The following AATF variants were observed in gnomAD, a reference collection of about 807,000 sequenced individuals.
AATF encodes the protein protein AATF.
In AATF, 48 loss-of-function variants were observed where a neutral mutation model predicts 63.7. The ratio of observed to expected loss-of-function variants is 0.75; its 90% confidence interval spans 0.60 to 0.96. AATF has a LOEUF of 0.96. Ranked by LOEUF, AATF falls within the 40% of genes least tolerant of loss-of-function variation. The pLI is 0.00. For synonymous variants in AATF, 258 were observed against 247.7 expected (o/e 1.04, Z -0.39); for missense variants, 639 against 685.7 (o/e 0.93, Z 0.76).
Position 37,009,439 on chromosome 17 carries a change from C to T in AATF, c.1399-9566C>T, listed in dbSNP as rs569656968. 6.6e-5 allele frequency among the ~76,000 whole-genome samples: 10 copies of T among 151,986 alleles called. No homozygotes were observed. In the South Asian group the frequency reaches 2.1e-3, roughly 32 times the overall value. The stretch of plus-strand genomic sequence containing the variant: ...GGATTACAGGTGTGAACCACCGTGC[C>T]TGGCCCCAGTTAAATGGTTTTTTTT... On this transcript the variant is annotated intron_variant, in intron 8 of 11. Coordinates refer to ENST00000619387, the MANE Select transcript of AATF (RefSeq NM_012138.4).
At chr17:37,029,952 T>C (rs772294941) in intron 10 of AATF, among the ~76,000 whole-genome samples, 11 of 152,184 alleles carry the variant, frequency 7.2e-5, no homozygotes, top group Non-Finnish European at 1.5e-4. Flanking sequence ...ATCTTCTGCC[T>C]GGCCTCTCAA....
intron 10 of AATF, among the ~76,000 whole-genome samples, chr17:37,027,806 G>A (rs28603278): frequency 4.6e-5 from 7 of 152,080 alleles, no homozygotes; most frequent in Admixed American, 3.9e-4. Flanking sequence ...CAGTAACCAC[G>A]TGTGGCTAGT....
chr17:37,037,390 A>G (rs1009785515), intron 11 of AATF, among the ~76,000 whole-genome samples: 3 of 152,330 alleles, frequency 2.0e-5, no homozygotes, highest in African/African-American at 7.2e-5. Flanking sequence ...AAGGAGAAGA[A>G]AAGGCTTGAC....
intron 11 of AATF, among the ~76,000 whole-genome samples, chr17:37,034,161 C>G (rs193162759): frequency 1.3e-5 from 2 of 152,118 alleles, no homozygotes. Context: ...TACCAAAGTG[C>G]GCACCATTCT....
chr17:36,955,128 C>G (rs1422327161), intron 4 of AATF, among the ~76,000 whole-genome samples: 2 of 152,254 alleles, frequency 1.3e-5, no homozygotes, highest in East Asian at 3.9e-4. Flanking sequence ...TTCATTTGCT[C>G]TTTAAAACTT....
intron 4 of AATF, among the ~76,000 whole-genome samples, chr17:36,966,922 T>C (rs1028605767): frequency 6.6e-6 from 1 of 152,200 alleles, no homozygotes; most frequent in African/African-American, 2.4e-5. Flanking sequence ...TTGTATCCAA[T>C]ACCTATATAC....
rs1051560287 is a variant in AATF, at chr17:36,948,955, C to A, written c.-171C>A. 6 of 570,202 alleles carry A rather than the reference C, an allele frequency of 1.1e-5. No homozygotes were observed. The African/African-American group carries it at 1.2e-4, about 11-fold the overall frequency. 35.3% of individuals were successfully genotyped at this position (570,202 alleles called of 1,614,324 possible). A position where few individuals can be genotyped will look rare whatever the true frequency, so the allele number is the denominator to read the frequency against. On this transcript the variant is annotated 5_prime_UTR_variant, in exon 1 of 12. Transcript: ENST00000619387. ...CGCGCAGGCCCCGCCCCCTCCCGCG[C>A]GCCTCCCGGAAGTGGCCGGTCCAGA...
chr17:36,973,288 A>G (rs9944453), intron 4 of AATF, among the ~76,000 whole-genome samples: 41,324 of 152,010 alleles, frequency 0.27, 8,060 homozygotes, highest in African/African-American at 0.56. Flanking sequence ...TAAAGGATTT[A>G]TCCTTTTTTT....
chr17:36,969,901 T>C (rs373420666), intron 4 of AATF, among the ~76,000 whole-genome samples: 6 of 152,234 alleles, frequency 3.9e-5, no homozygotes, highest in African/African-American at 1.4e-4. Context: ...AGTGGAATTA[T>C]ACAGTTTGTA....
intron 11 of AATF, among the ~76,000 whole-genome samples, chr17:37,043,631 T>C (rs937276485): frequency 3.3e-5 from 5 of 152,238 alleles, no homozygotes; most frequent in South Asian, 2.1e-4. Context: ...TTTATGTTCA[T>C]ATATTTGGAA....
chr17:37,053,734 T>C (rs1478092682), intron 11 of AATF, among the ~76,000 whole-genome samples: 4 of 152,020 alleles, frequency 2.6e-5, no homozygotes, highest in Non-Finnish European at 5.9e-5. Flanking sequence ...GGCGTGGTGG[T>C]GCGCACCTGC....
chr17:36,952,251 G>A (rs1406744093), intron 2 of AATF, among the ~76,000 whole-genome samples: 1 of 152,176 alleles, frequency 6.6e-6, no homozygotes, highest in Non-Finnish European at 1.5e-5. Context: ...AGGAGAGTTA[G>A]GTGGTTCCAT....
At chr17:36,969,759 A>G (rs936196554) in intron 4 of AATF, among the ~76,000 whole-genome samples, 6 of 152,232 alleles carry the variant, frequency 3.9e-5, no homozygotes, top group African/African-American at 1.4e-4. Flanking sequence ...GATAATGAAC[A>G]TATTCCTCAT....
intron 4 of AATF, among the ~76,000 whole-genome samples, 183 bp downstream of exon 4, chr17:36,954,090 C>T (rs1377913541): frequency 1.6e-5 from 2 of 128,576 alleles, no homozygotes; most frequent in East Asian, 2.5e-4. Context: ...TTTTTTGAGA[C>T]AGAGTCTCGC....
At position 36,968,251 on chromosome 17, in the gene AATF, T is replaced by TCC. The variant is rs1567967980; in HGVS notation, c.832+14344_832+14345insCC. Among the ~76,000 whole-genome samples the TCC allele has an allele frequency of 2.5e-3, 340 of 135,466 alleles. 63 individuals are homozygous for TCC. The highest frequency in any genetic ancestry group is 9.6e-3 in the African/African-American group (310 of 32,444). 88.9% of individuals were successfully genotyped at this position (135,466 alleles called of 152,430 possible). A position where few individuals can be genotyped will look rare whatever the true frequency, so the allele number is the denominator to read the frequency against. ...TTCTTCTATTTTTTTCTTTTTTCTT[T>TCC]TTCTTTCTTTCCTTCTTTCTTTTTT... On this transcript the variant is annotated intron_variant, in intron 4 of 11. Coordinates refer to ENST00000619387, the MANE Select transcript of AATF (RefSeq NM_012138.4).
chr17:37,011,997 AT>A (rs2071394954), intron 8 of AATF, among the ~76,000 whole-genome samples: 1 of 152,052 alleles, frequency 6.6e-6, no homozygotes, highest in South Asian at 2.1e-4. Context: ...AGTATATGCA[AT>A]TTATTTTTTG....
At chr17:36,953,708 T>C (rs933956040) in intron 3 of AATF, 62 bp from the exon 4 acceptor site, 2 of 1,548,462 alleles carry the variant, frequency 1.3e-6, no homozygotes, top group African/African-American at 2.7e-5. Context: ...TCCCCACCCC[T>C]GCCACCTCAC....
chr17:36,980,025 A>G (rs1377141882), intron 4 of AATF: 1 of 152,206 alleles, frequency 6.6e-6, no homozygotes, highest in Non-Finnish European at 1.5e-5. Flanking sequence ...GATTTTTGAT[A>G]GTAATATGCC....
intron 8 of AATF, among the ~76,000 whole-genome samples, chr17:37,000,529 G>C (rs1567978703): frequency 6.6e-6 from 1 of 152,108 alleles, no homozygotes; most frequent in Non-Finnish European, 1.5e-5. Flanking sequence ...TATTGTTTAT[G>C]ATACTTCTGC....
Sources: allele counts gnomAD v4.1 joint callset (sites outside exome capture counted in the v4.1 genomes callset), GRCh38; gene constraint gnomAD v4.1.1; transcripts MANE v1.5; gene names NCBI Gene and HGNC (gene_info 2026-07-23, HGNC 2026-07-21).